CTNNA3: variants seen among roughly 807,000 people sequenced by gnomAD.
CTNNA3 encodes catenin alpha 3.
CTNNA3 carries 76 observed loss-of-function variants against 95.7 expected under a neutral mutation model. The ratio of observed to expected loss-of-function variants is 0.79; its 90% CI spans 0.66 to 0.96. The LOEUF (loss-of-function observed/expected upper bound fraction) is 0.96. CTNNA3 is among the 40% of genes least tolerant of loss of function. The pLI is 0.00. For missense variants in CTNNA3, 1,191 were observed against 1,089.8 expected (o/e 1.09, Z -1.31); for synonymous variants, 431 against 374.4 (o/e 1.15, Z -1.74).
chr10:66,405,188 T>C (rs1434404019), intron 11 of CTNNA3, among the ~76,000 whole-genome samples: 1 of 152,006 alleles, frequency 6.6e-6, no homozygotes, highest in Non-Finnish European at 1.5e-5. Context: ...ATGTTTAGAG[T>C]CAAATAACCA....
At chr10:66,197,728 T>C (rs1213913389) in intron 13 of CTNNA3, among the ~76,000 whole-genome samples, 2 of 152,246 alleles carry the variant, frequency 1.3e-5, no homozygotes, top group South Asian at 2.1e-4. Context: ...TTAGTTTCAT[T>C]TGAGGTCCAG....
Position 66,032,602 on chromosome 10 carries a change from T to A in CTNNA3, c.2159+36706A>T, listed in dbSNP as rs77115585. On this transcript the variant is annotated intron_variant, in intron 15 of 17. Coordinates refer to ENST00000433211, the MANE Select transcript of CTNNA3 (RefSeq NM_013266.4). Reference sequence around the variant, plus strand: ...CATTTATTAATTTATTCACCAAATGTATGTTGTATGCCAGATATTTTCCAG... The same window carrying A: ...CATTTATTAATTTATTCACCAAATGAATGTTGTATGCCAGATATTTTCCAG... 2.2e-3 allele frequency among the ~76,000 whole-genome samples: 335 copies of A among 152,324 alleles called. 5 individuals are homozygous for A. In the East Asian group the frequency reaches 0.029, roughly 13 times the overall value.
intron 11 of CTNNA3, among the ~76,000 whole-genome samples, chr10:66,486,115 A>G (rs2131917906): frequency 6.6e-6 from 1 of 152,316 alleles, no homozygotes; most frequent in Middle Eastern, 3.4e-3. Context: ...TAAAACTAAC[A>G]CAGGAGAAAG....
At position 66,491,831 on chromosome 10, in the gene CTNNA3, A is replaced by G. The variant is rs531454278; in HGVS notation, c.1531+28786T>C. 9.8e-5 allele frequency among the ~76,000 whole-genome samples: 15 copies of G among 152,322 alleles called. No individual in the cohort carries two copies. The South Asian group carries it at 2.7e-3, about 27-fold the overall frequency. ...CTCTTACAATAAGATGTGAACACAC[A>G]TAAGGGCAAGGAAGTGTGTCATAAG... On this transcript the variant is annotated intron_variant, in intron 11 of 17. Coordinates refer to ENST00000433211, the MANE Select transcript of CTNNA3 (RefSeq NM_013266.4).
At chr10:66,305,582 T>C (rs939318500) in intron 12 of CTNNA3, among the ~76,000 whole-genome samples, 3 of 152,194 alleles carry the variant, frequency 2.0e-5, no homozygotes, top group African/African-American at 4.8e-5. Flanking sequence ...ATTCTGATGG[T>C]ACCTTATACT....
At chr10:66,646,459 G>A (rs563322478) in intron 9 of CTNNA3, among the ~76,000 whole-genome samples, 6 of 152,006 alleles carry the variant, frequency 3.9e-5, no homozygotes, top group African/African-American at 1.4e-4. Flanking sequence ...ACCTTTTTTG[G>A]GGCAAGTGGA....
chr10:66,690,899 C>G lies in CTNNA3; in HGVS notation c.1282-69115G>C, dbSNP rs183186093. ...TCCAGATCCCTGAGGAATTGCCACA[C>G]TGACTTCCACAATGGTTGAACTAGT... On this transcript the variant is annotated intron_variant, in intron 9 of 17. Coordinates refer to ENST00000433211, the MANE Select transcript of CTNNA3 (RefSeq NM_013266.4). 4.7e-3 allele frequency among the ~76,000 whole-genome samples: 713 copies of G among 152,320 alleles called. 5 individuals carry two copies. The highest frequency in any genetic ancestry group is 0.016 in the African/African-American group (672 of 41,570).
intron 17 of CTNNA3, among the ~76,000 whole-genome samples, chr10:65,924,515 T>C (rs1347403749): frequency 6.6e-6 from 1 of 152,172 alleles, no homozygotes; most frequent in African/African-American, 2.4e-5. Flanking sequence ...AGACCACAGA[T>C]ATTTCCACGT....
chr10:66,476,055 C>A (rs1395824838), intron 11 of CTNNA3, among the ~76,000 whole-genome samples: 2 of 152,078 alleles, frequency 1.3e-5, no homozygotes, highest in Non-Finnish European at 2.9e-5. Flanking sequence ...AGCTAACATC[C>A]TTTGCTGGGA....
intron 1 of CTNNA3, among the ~76,000 whole-genome samples, chr10:67,657,834 T>G: frequency 9.9e-6 from 1 of 100,786 alleles, no homozygotes; most frequent in Admixed American, 1.4e-4. Context: ...GCAACAACAG[T>G]GAAATTCCAT....
Position 66,798,456 on chromosome 10 carries a change from T to A in CTNNA3, c.1048-22932A>T, listed in dbSNP as rs552154914. On this transcript the variant is annotated intron_variant, in intron 7 of 17. Coordinates refer to ENST00000433211, the MANE Select transcript of CTNNA3 (RefSeq NM_013266.4). ...GTGGTGTTTAAAGGTGGAAAAAAAT[T>A]GTGAAAATGGTGTAAAAGTGATGGA... Among the ~76,000 whole-genome samples, 7 of 151,746 alleles carry A rather than the reference T, an allele frequency of 4.6e-5. No individual in the cohort carries two copies. In the South Asian group the frequency reaches 1.5e-3, roughly 32 times the overall value.
At chr10:66,960,008 C>G (rs969798888) in intron 7 of CTNNA3, among the ~76,000 whole-genome samples, 3 of 152,082 alleles carry the variant, frequency 2.0e-5, no homozygotes, top group African/African-American at 7.2e-5. Context: ...ATAATTGTTT[C>G]CTTTCAGAAG....
Position 66,248,429 on chromosome 10 carries a change from C to T in CTNNA3, c.1884+32041G>A, listed in dbSNP as rs1257846212. 5.3e-5 allele frequency among the ~76,000 whole-genome samples: 8 copies of T among 150,810 alleles called. No homozygotes were observed. The East Asian group carries it at 1.4e-3, about 26-fold the overall frequency. On this transcript the variant is annotated intron_variant, in intron 13 of 17. Coordinates refer to ENST00000433211, the MANE Select transcript of CTNNA3 (RefSeq NM_013266.4). ...ATTACATGTAAATGGATTAAACTCT[C>T]CAATAAAAAAGACATGGAGTAGAAG...
chr10:66,930,818 C>T (rs1039779804), intron 7 of CTNNA3, among the ~76,000 whole-genome samples: 2 of 151,926 alleles, frequency 1.3e-5, no homozygotes, highest in Middle Eastern at 3.2e-3. Flanking sequence ...TAGATAAGAA[C>T]GAAAATAAAA....
chr10:66,845,318 C>T (rs988813940), intron 7 of CTNNA3, among the ~76,000 whole-genome samples: 2 of 152,148 alleles, frequency 1.3e-5, no homozygotes, highest in South Asian at 2.1e-4. Flanking sequence ...GCAGATATCA[C>T]CTCACACCTG....
At chr10:66,304,150 A>C (rs996640946) in intron 12 of CTNNA3, among the ~76,000 whole-genome samples, 1 of 152,158 alleles carries the variant, frequency 6.6e-6, no homozygotes, top group African/African-American at 2.4e-5. Context: ...GGGGGGAAGA[A>C]GCTCAATCTC....
chr10:66,252,625 G>A (rs959811938), intron 13 of CTNNA3, among the ~76,000 whole-genome samples: 1 of 152,098 alleles, frequency 6.6e-6, no homozygotes, highest in African/African-American at 2.4e-5. Context: ...TCGTAAACTG[G>A]GTTTAGAAAA....
chr10:66,655,248 G>T (rs1055696621), intron 9 of CTNNA3, among the ~76,000 whole-genome samples: 6 of 152,004 alleles, frequency 3.9e-5, no homozygotes, highest in African/African-American at 1.4e-4. Flanking sequence ...TTAGAAAGTA[G>T]AAATTAGAAT....
At chr10:67,679,859 G>A (rs1209751207) in intron 1 of CTNNA3, among the ~76,000 whole-genome samples, 2 of 152,096 alleles carry the variant, frequency 1.3e-5, no homozygotes, top group Admixed American at 1.3e-4. Context: ...ACGAATTATT[G>A]AACAAAGTAA....
Sources: allele counts gnomAD v4.1 joint callset (sites outside exome capture counted in the v4.1 genomes callset), GRCh38; gene constraint gnomAD v4.1.1; transcripts MANE v1.5; gene names NCBI Gene and HGNC (gene_info 2026-07-23, HGNC 2026-07-21).